Variants in DIPK2B observed in about 807,000 individuals in gnomAD.
The protein encoded by DIPK2B is UPF0672 protein CXorf36.
A neutral mutation model predicts 22.2 loss-of-function variants in DIPK2B; 15 were observed. That is an observed-to-expected ratio of 0.68 (90% CI 0.45 to 1.04). The LOEUF is 1.04. Ranked by LOEUF, DIPK2B falls within the 50% of genes least tolerant of loss-of-function variation. The pLI is 0.00. For synonymous variants in DIPK2B, 163 were observed against 153.2 expected, an observed-to-expected ratio of 1.06 and a Z score of -0.47; for missense variants, 345 against 348.3, an observed-to-expected ratio of 0.99 and a Z score of 0.08.
rs182977348 is a variant in DIPK2B at position 45,151,747 on chromosome X, C to A, written c.1207G>T (p.Ala403Ser). 108 of 1,210,305 alleles carry A rather than the reference C, an allele frequency of 8.9e-5. No individual in the cohort carries two copies. The African/African-American group carries it at 1.7e-3, about 19-fold the overall frequency. The stretch of plus-strand genomic sequence containing the variant: ...CTCAAGATGTCTTTCAGCTGGCTGG[C>A]GGCCCCAAGGACTTCTGGGTCTGGG... ...IRPDPEVLGA[A>S]SQLKDILRPL... Residue 403 changes from alanine (A) to serine (S), a missense_variant, in exon 5 of 5, where the codon GCC becomes TCC. Coordinates refer to ENST00000398000, the MANE Select transcript of DIPK2B (RefSeq NM_176819.4).
intron 2 of DIPK2B, among the ~76,000 whole-genome samples, chrX:45,171,398 C>T (rs189047397): frequency 1.8e-5 from 2 of 111,547 alleles, no homozygotes; most frequent in Non-Finnish European, 3.8e-5. Context: ...TGCAAATTCT[C>T]AGACTCTGCC....
intron 2 of DIPK2B, among the ~76,000 whole-genome samples, chrX:45,176,460 T>G (rs935916842): frequency 8.9e-6 from 1 of 112,106 alleles, no homozygotes; most frequent in African/African-American, 3.2e-5. Flanking sequence ...CTGGCATACA[T>G]AGTGTCCACT....
intron 3 of DIPK2B, among the ~76,000 whole-genome samples, chrX:45,155,431 A>ATATATAT (rs34203440): frequency 1.6e-4 from 15 of 96,391 alleles, no homozygotes; most frequent in African/African-American, 5.6e-4. Flanking sequence ...TCAAAAAAAA[A>ATATATAT]ATATATATAT....
At chrX:45,175,391 A>T (rs941330711) in intron 2 of DIPK2B, among the ~76,000 whole-genome samples, 2 of 110,520 alleles carry the variant, frequency 1.8e-5, no homozygotes, top group Non-Finnish European at 3.8e-5. Flanking sequence ...CTATTATGAG[A>T]TATAATATTA....
chrX:45,195,481 A>T (rs778938722), intron 1 of DIPK2B, among the ~76,000 whole-genome samples: 1 of 111,924 alleles, frequency 8.9e-6, no homozygotes, highest in African/African-American at 3.2e-5. Flanking sequence ...TCATGCTTGC[A>T]TCTGGTCAAA....
In DIPK2B at chrX:45,154,025, A is replaced by G. The variant is rs2046976637; in HGVS notation, c.846T>C (p.Asp282=). 8.3e-7 allele frequency: 1 copy of G among 1,208,837 alleles called. No individual in the cohort carries two copies. Among genetic ancestry groups the G allele is most frequent in the African/African-American group, 1.8e-5 (1 of 56,823 alleles). ...GGGTGAAGTAGAAGAAATAGTTCAAATCGTTGCTCCTCAAAGACTCCAGGA... is the reference window on the plus strand; with the variant it reads ...GGGTGAAGTAGAAGAAATAGTTCAAGTCGTTGCTCCTCAAAGACTCCAGGA... ...LGVLESLRSN[D]LNYFFYFTHI... is the part of the protein sequence containing the mutation. Residue 282 remains aspartate (D), a synonymous_variant, in exon 4 of 5, where the codon GAT becomes GAC. Coordinates refer to ENST00000398000, the MANE Select transcript of DIPK2B (RefSeq NM_176819.4).
intron 1 of DIPK2B, among the ~76,000 whole-genome samples, chrX:45,192,906 G>T (rs771593777): frequency 8.9e-6 from 1 of 112,476 alleles, no homozygotes; most frequent in African/African-American, 3.2e-5. Context: ...AGCCTCCCCA[G>T]TAGCTGGGAT....
chrX:45,154,372 ATCTC>A (rs1369885568), intron 3 of DIPK2B, among the ~76,000 whole-genome samples, 174 bp from the exon 4 acceptor site: 9 of 109,902 alleles, frequency 8.2e-5, no homozygotes, highest in East Asian at 2.8e-4. Flanking sequence ...TCATCTATCT[ATCTC>A]TATCTACCTA....
intron 2 of DIPK2B, among the ~76,000 whole-genome samples, chrX:45,172,911 T>C (rs1242322221): frequency 1.8e-5 from 2 of 111,501 alleles, no homozygotes; most frequent in African/African-American, 3.3e-5. Flanking sequence ...GAAATATCCA[T>C]AGGAGGTCAG....
intron 2 of DIPK2B, among the ~76,000 whole-genome samples, chrX:45,169,477 T>C (rs6521008): frequency 0.085 from 9,491 of 111,017 alleles, 940 homozygotes; most frequent in African/African-American, 0.28. Context: ...AACATATGCA[T>C]TGTGTCATGT....
At chrX:45,184,428 T>C (rs1191155514) in intron 2 of DIPK2B, among the ~76,000 whole-genome samples, 1 of 112,057 alleles carries the variant, frequency 8.9e-6, no homozygotes, top group Non-Finnish European at 1.9e-5. Flanking sequence ...TTCAAATTTA[T>C]TTCAACCCCA....
intron 3 of DIPK2B, among the ~76,000 whole-genome samples, chrX:45,157,097 C>T (rs916247257): frequency 3.6e-5 from 4 of 110,510 alleles, no homozygotes; most frequent in Non-Finnish European, 7.6e-5. Context: ...TGTCCTTACC[C>T]TTGAGGTCAG....
intron 4 of DIPK2B, among the ~76,000 whole-genome samples, chrX:45,153,385 C>T (rs2046971199): frequency 9.1e-6 from 1 of 109,859 alleles, no homozygotes; most frequent in Non-Finnish European, 1.9e-5. Flanking sequence ...GCAAAATATA[C>T]CAGTGAATCA....
chrX:45,188,216 A>G (rs990395850), intron 2 of DIPK2B, among the ~76,000 whole-genome samples: 2 of 112,109 alleles, frequency 1.8e-5, no homozygotes, highest in African/African-American at 6.5e-5. Flanking sequence ...GTTTGGCCAA[A>G]TCTGGGATGA....
At chrX:45,176,321 T>C (rs1428776838) in intron 2 of DIPK2B, among the ~76,000 whole-genome samples, 3 of 111,415 alleles carry the variant, frequency 2.7e-5, no homozygotes, top group Non-Finnish European at 5.7e-5. Flanking sequence ...ATTCTTTAGA[T>C]CCAGAACCCT....
At chrX:45,152,201 T>C (rs761904167) in intron 4 of DIPK2B, among the ~76,000 whole-genome samples, 3 of 110,914 alleles carry the variant, frequency 2.7e-5, no homozygotes, top group East Asian at 5.7e-4. Context: ...CTACTAAAAA[T>C]ACAAAAATTA....
In DIPK2B at chrX:45,154,045, C is replaced by T; in HGVS notation, c.826G>A (p.Glu276Lys). 8.3e-7 allele frequency: 1 copy of T among 1,211,198 alleles called. No individual in the cohort carries two copies. Among genetic ancestry groups the T allele is most frequent in the Non-Finnish European group, 1.1e-6 (1 of 895,360 alleles). ...TTCAAATCGTTGCTCCTCAAAGACT[C>T]CAGGACACCCAGGAGCTGGTAGGCA... is the stretch of plus-strand genomic sequence containing the variant. ...DLAYQLLGVL[E>K]SLRSNDLNYF... is the part of the protein sequence containing the mutation. Residue 276 changes from glutamate (E) to lysine (K), a missense_variant, in exon 4 of 5, where the codon GAG (glutamate) becomes AAG (lysine). By Grantham distance (56) the Glu-to-Lys change is moderately conservative (BLOSUM62 1). Coordinates refer to ENST00000398000, the MANE Select transcript of DIPK2B (RefSeq NM_176819.4).
intron 2 of DIPK2B, among the ~76,000 whole-genome samples, chrX:45,168,417 T>G (rs1029167073): frequency 1.4e-4 from 16 of 111,243 alleles, no homozygotes; most frequent in African/African-American, 4.9e-4. Context: ...TAAAACAGAG[T>G]TGGTGGGGTG....
intron 1 of DIPK2B, among the ~76,000 whole-genome samples, chrX:45,197,192 T>C (rs937198018): frequency 2.9e-5 from 2 of 69,294 alleles, no homozygotes; most frequent in African/African-American, 4.7e-5. Context: ...AGTAATCACC[T>C]TTTTTTTTTT....
Sources: gnomAD v4.1 joint callset for allele counts (sites outside exome capture counted in the v4.1 genomes callset) on GRCh38, gnomAD v4.1.1 for gene constraint, MANE v1.5 for transcripts, NCBI Gene and HGNC (gene_info 2026-07-23, HGNC 2026-07-21) for gene names.